IQCB1: variants seen among roughly 807,000 people sequenced by gnomAD.
IQCB1 encodes IQ motif containing B1.
A neutral mutation model predicts 84.4 loss-of-function variants in IQCB1; 56 were observed. That is an observed-to-expected ratio of 0.66 (90% CI 0.54 to 0.83). IQCB1 has a LOEUF of 0.83. Ranked by LOEUF, IQCB1 falls within the 40% of genes least tolerant of loss-of-function variation. IQCB1 has a pLI of 0.00. For synonymous variants in IQCB1, 210 were observed against 234.8 expected (o/e 0.89, Z 0.96); for missense variants, 629 against 682.1 (o/e 0.92, Z 0.87).
chr3:121,788,316 CTA>C lies in IQCB1; in HGVS notation c.1244_1245del (p.Ile415ArgfsTer3), dbSNP rs1389402741. The C allele has an allele frequency of 6.2e-7, 1 of 1,613,980 alleles. No individual in the cohort carries two copies. The highest frequency in any genetic ancestry group is 1.3e-5 in the African/African-American group (1 of 75,042). On this transcript the variant is annotated frameshift_variant, in exon 12 of 15. Coordinates refer to ENST00000310864, the MANE Select transcript of IQCB1 (RefSeq NM_001023570.4). LOFTEE classifies it high-confidence loss of function. The part of the protein sequence containing the change: ...KNFHQQRQSL[I>X]EYKAAVTLQR... ...TGAAGTGTGACAGCTGCTTTATACTCTATGAGAGACTGCCTCTGTTGGTGAAA... is the reference window on the plus strand; with the variant it reads ...TGAAGTGTGACAGCTGCTTTATACTCTGAGAGACTGCCTCTGTTGGTGAAA...
chr3:121,787,474 C>G (rs34980632), intron 12 of IQCB1, among the ~76,000 whole-genome samples: 2 of 151,910 alleles, frequency 1.3e-5, no homozygotes, highest in Non-Finnish European at 2.9e-5. Flanking sequence ...AATAAGAGGC[C>G]GGGAGCGGTG....
chr3:121,774,180 G>T lies in IQCB1; in HGVS notation c.1411-1467C>A, dbSNP rs1279329040. Among the ~76,000 whole-genome samples, 5 of 152,182 alleles carry T rather than the reference G, an allele frequency of 3.3e-5. No homozygotes were observed. The South Asian group carries it at 1.0e-3, about 32-fold the overall frequency. On this transcript the variant is annotated intron_variant, in intron 13 of 14. Coordinates refer to ENST00000310864, the MANE Select transcript of IQCB1 (RefSeq NM_001023570.4). ...GAAACGGCCAATAAACACATGAAAAGATGCTCAAAATCACTAATTAGGAAA... is the reference window on the plus strand; with the variant it reads ...GAAACGGCCAATAAACACATGAAAATATGCTCAAAATCACTAATTAGGAAA...
intron 7 of IQCB1, 53 bp downstream of exon 7, chr3:121,807,291 G>A: frequency 2.4e-6 from 2 of 836,068 alleles, no homozygotes; most frequent in Non-Finnish European, 4.0e-6. Flanking sequence ...GAATAAAATT[G>A]GTAATGCTTC....
At chr3:121,800,076 A>C (rs914659398) in intron 7 of IQCB1, among the ~76,000 whole-genome samples, 8 of 151,936 alleles carry the variant, frequency 5.3e-5, no homozygotes, top group African/African-American at 1.9e-4. Flanking sequence ...ATTCTTATCT[A>C]AGAGCAATGT....
intron 9 of IQCB1, among the ~76,000 whole-genome samples, chr3:121,796,069 T>C (rs1006814037): frequency 2.6e-5 from 4 of 152,110 alleles, no homozygotes; most frequent in African/African-American, 7.2e-5. Context: ...GTTTACTTAA[T>C]AGACTTCTGA....
chr3:121,783,009 C>T (rs540731267), intron 12 of IQCB1, among the ~76,000 whole-genome samples: 1 of 152,276 alleles, frequency 6.6e-6, no homozygotes, highest in East Asian at 1.9e-4. Context: ...GACAGCCATG[C>T]TCATCGGCTG....
At chr3:121,790,435 A>G (rs557918547) in intron 10 of IQCB1, among the ~76,000 whole-genome samples, 13 of 152,358 alleles carry the variant, frequency 8.5e-5, no homozygotes, top group African/African-American at 3.1e-4. Flanking sequence ...TATTTGAAAT[A>G]TATAAATAAA....
intron 8 of IQCB1, 29 bp downstream of exon 8, chr3:121,799,167 C>G (rs772316022): frequency 6.4e-7 from 1 of 1,564,514 alleles, no homozygotes; most frequent in Non-Finnish European, 8.8e-7. Context: ...TTTTGAGAAT[C>G]CCAAGAAAAG....
At chr3:121,831,459 T>C (rs1950637476) in intron 2 of IQCB1, among the ~76,000 whole-genome samples, 1 of 152,190 alleles carries the variant, frequency 6.6e-6, no homozygotes, top group Non-Finnish European at 1.5e-5. Flanking sequence ...AGCAAATTAA[T>C]ACACCCCAAG....
At chr3:121,829,827 C>T (rs1049153602) in intron 2 of IQCB1, among the ~76,000 whole-genome samples, 5 of 152,120 alleles carry the variant, frequency 3.3e-5, no homozygotes, top group Admixed American at 1.3e-4. Flanking sequence ...TCCTGTGAGC[C>T]CTCCTAGTGA....
intron 13 of IQCB1, among the ~76,000 whole-genome samples, 191 bp from the exon 14 acceptor site, chr3:121,772,904 G>A (rs1948061289): frequency 6.6e-6 from 1 of 152,212 alleles, no homozygotes; most frequent in South Asian, 2.1e-4. Flanking sequence ...AAATAATGGT[G>A]GAGAAGTTTT....
intron 10 of IQCB1, 93 bp from the exon 11 acceptor site, chr3:121,790,308 A>C (rs1045876275): frequency 8.7e-7 from 1 of 1,154,148 alleles, no homozygotes; most frequent in African/African-American, 1.5e-5. Flanking sequence ...TAAACAGAAA[A>C]AATTTTAAGA....
At chr3:121,816,836 T>C (rs574908805) in intron 5 of IQCB1, among the ~76,000 whole-genome samples, 2 of 152,336 alleles carry the variant, frequency 1.3e-5, no homozygotes, top group East Asian at 3.9e-4. Flanking sequence ...TCAACCACTG[T>C]GGAAGACAGT....
chr3:121,775,945 G>T (rs902316764), intron 13 of IQCB1, among the ~76,000 whole-genome samples: 1 of 151,946 alleles, frequency 6.6e-6, no homozygotes, highest in Non-Finnish European at 1.5e-5. Flanking sequence ...CTATAGATTG[G>T]TTTATATTTT....
rs746135078 is a variant in IQCB1 at position 121,819,893 on chromosome 3, A to T, written c.393+6158T>A. Among the ~76,000 whole-genome samples, 189 of 152,142 alleles carry T rather than the reference A, an allele frequency of 1.2e-3. 3 individuals are homozygous for T. In the Middle Eastern group the frequency reaches 0.034, roughly 27 times the overall value. ...GCATTTTTAGCATGGAATATATATA[A>T]AAAATTTTTGGTATTTCTTTGAAAT... is the stretch of plus-strand genomic sequence containing the variant. On this transcript the variant is annotated intron_variant, in intron 5 of 14. Coordinates refer to ENST00000310864, the MANE Select transcript of IQCB1 (RefSeq NM_001023570.4).
chr3:121,774,017 G>A (rs1486845473), intron 13 of IQCB1, among the ~76,000 whole-genome samples: 3 of 151,788 alleles, frequency 2.0e-5, no homozygotes, highest in African/African-American at 7.3e-5. Context: ...ATACATCTAA[G>A]GGATTAATCT....
Position 121,799,262 on chromosome 3 carries a change from G to A in IQCB1, c.700C>T (p.Leu234=), listed in dbSNP as rs763775991. The change falls in exon 8 of 15, where the codon CTA becomes TTA. Residue 234 remains leucine, a synonymous_variant. Coordinates refer to ENST00000310864, the MANE Select transcript of IQCB1 (RefSeq NM_001023570.4). The part of the protein sequence containing the change: ...PVIRSTATKL[L]LLMAESHQEI... ...TGATGGGATTCAGCCATCAACAGTA[G>A]GAGTTTTGTAGCAGTACTTCTTATA... is the stretch of plus-strand genomic sequence containing the variant. The A allele has an allele frequency of 1.2e-6, 2 of 1,610,826 alleles. No homozygotes were observed. Among genetic ancestry groups the A allele is most frequent in the Admixed American group, 3.3e-5 (2 of 59,802 alleles).
chr3:121,824,210 T>C (rs899784939), intron 5 of IQCB1, among the ~76,000 whole-genome samples: 2 of 152,160 alleles, frequency 1.3e-5, no homozygotes, highest in African/African-American at 4.8e-5. Context: ...AAGGTGTGGA[T>C]AGTACTGAAC....
chr3:121,773,060 C>T (rs1466855606), intron 13 of IQCB1, among the ~76,000 whole-genome samples: 3 of 151,508 alleles, frequency 2.0e-5, no homozygotes, highest in African/African-American at 4.9e-5. Flanking sequence ...TGGTGGCTCA[C>T]GCCTGTAATC....
Sources: gnomAD v4.1 joint callset for allele counts (sites outside exome capture counted in the v4.1 genomes callset) on GRCh38, gnomAD v4.1.1 for gene constraint, MANE v1.5 for transcripts, NCBI Gene and HGNC (gene_info 2026-07-23, HGNC 2026-07-21) for gene names.